DPP6: variants seen among roughly 807,000 people sequenced by gnomAD.
DPP6 encodes A-type potassium channel modulatory protein DPP6.
In DPP6, 69 loss-of-function variants were observed where a neutral mutation model predicts 122.6. The ratio of observed to expected loss-of-function variants is 0.56; its 90% CI spans 0.46 to 0.69. The LOEUF is 0.69. Ranked by LOEUF, DPP6 falls within the 30% of genes least tolerant of loss-of-function variation. The probability of loss-of-function intolerance (pLI) is 0.00; values close to 1 mark genes in which losing one functional copy is unlikely to be tolerated. For synonymous variants in DPP6, 418 were observed against 433.1 expected (o/e 0.97, Z 0.43); for missense variants, 928 against 1,116.9 (o/e 0.83, Z 2.41).
At chr7:154,442,499 G>A (rs985768629) in intron 1 of DPP6, among the ~76,000 whole-genome samples, 1 of 96,152 alleles carries the variant, frequency 1.0e-5, no homozygotes, top group South Asian at 2.4e-4. Context: ...GAAGATGAAG[G>A]GAAATTCCAG....
intron 10 of DPP6, among the ~76,000 whole-genome samples, chr7:154,786,090 A>T (rs141407565): frequency 1.6e-3 from 241 of 152,244 alleles, no homozygotes; most frequent in African/African-American, 5.1e-3. Context: ...ACTGTTTCCT[A>T]GATCTCATAG....
At chr7:153,979,223 G>T (rs1796456433) in intron 1 of DPP6, among the ~76,000 whole-genome samples, 1 of 152,104 alleles carries the variant, frequency 6.6e-6, no homozygotes, top group African/African-American at 2.4e-5. Context: ...ATTTCCTTGA[G>T]AAGTGGTTTG....
At chr7:154,091,994 G>A (rs1288540701) in intron 1 of DPP6, among the ~76,000 whole-genome samples, 1 of 152,046 alleles carries the variant, frequency 6.6e-6, no homozygotes, top group African/African-American at 2.4e-5. Context: ...CAATTTCCAG[G>A]ATGTTGCATT....
chr7:153,870,392 T>G, the DPP6 span, among the ~76,000 whole-genome samples: 4 of 152,336 alleles, frequency 2.6e-5, no homozygotes, highest in South Asian at 8.3e-4. Context: ...TCGCTTCATT[T>G]CATTCATTTT....
intron 1 of DPP6, among the ~76,000 whole-genome samples, chr7:154,014,149 A>C (rs1798287634): frequency 6.6e-6 from 1 of 150,838 alleles, no homozygotes; most frequent in Non-Finnish European, 1.5e-5. Context: ...AAAAGACCCT[A>C]ATGTAGCAGA....
chr7:154,133,707 C>T (rs559808724), intron 1 of DPP6, among the ~76,000 whole-genome samples: 1 of 151,880 alleles, frequency 6.6e-6, no homozygotes, highest in African/African-American at 2.4e-5. Flanking sequence ...GGCAGCAGTT[C>T]CCCACTGTAT....
intron 1 of DPP6, among the ~76,000 whole-genome samples, chr7:154,205,277 AG>A (rs935303754): frequency 9.2e-5 from 14 of 152,162 alleles, no homozygotes; most frequent in African/African-American, 2.9e-4. Context: ...ACATGGATGT[AG>A]TCATGATACA....
chr7:154,076,609 G>T (rs929910328), intron 1 of DPP6, among the ~76,000 whole-genome samples: 2 of 149,834 alleles, frequency 1.3e-5, no homozygotes, highest in African/African-American at 4.9e-5. Context: ...AGAAAATGGG[G>T]ACACACTCCA....
chr7:154,163,020 G>A (rs1797058399), intron 1 of DPP6, among the ~76,000 whole-genome samples: 2 of 152,006 alleles, frequency 1.3e-5, no homozygotes, highest in Non-Finnish European at 2.9e-5. Context: ...AATCTGCATT[G>A]CTAGCATTGA....
chr7:154,388,396 C>G (rs1814310251), intron 1 of DPP6, among the ~76,000 whole-genome samples: 1 of 152,166 alleles, frequency 6.6e-6, no homozygotes, highest in Admixed American at 6.5e-5. Context: ...ACTTTCAAAT[C>G]CAGTAGTTTC....
intron 1 of DPP6, among the ~76,000 whole-genome samples, chr7:154,019,949 G>A (rs2533823): frequency 0.087 from 13,166 of 151,526 alleles, 804 homozygotes; most frequent in African/African-American, 0.18. Flanking sequence ...TGTCTGCAGG[G>A]AACTCTTTTC....
In DPP6 at chr7:154,143,102, A is replaced by T. The variant is rs1053102837; in HGVS notation, c.243+90039A>T. ...TAGAGATCACTCCTAGTCTAATATC[A>T]GTAGGTTTTTAGGATTACAGGTTAT... On this transcript the variant is annotated intron_variant, in intron 1 of 25. Coordinates refer to ENST00000377770, the MANE Select transcript of DPP6 (RefSeq NM_130797.4). Among the ~76,000 whole-genome samples the T allele has an allele frequency of 8.0e-4, 119 of 148,560 alleles. 3 individuals carry two copies. The highest frequency in any genetic ancestry group is 7.9e-3 in the South Asian group (36 of 4,582).
chr7:154,127,210 T>G (rs1807954227), intron 1 of DPP6, among the ~76,000 whole-genome samples: 1 of 152,230 alleles, frequency 6.6e-6, no homozygotes, highest in East Asian at 1.9e-4. Context: ...TTTAAGCAAT[T>G]AAATTAATAT....
rs1291764526 is a variant in DPP6, at chr7:154,131,085, T to C, written c.243+78022T>C. On this transcript the variant is annotated intron_variant, in intron 1 of 25. Coordinates refer to ENST00000377770, the MANE Select transcript of DPP6 (RefSeq NM_130797.4). ...TTACTCTCTGGGTCTTAGCTTTAAG[T>C]TGGGGAGAGGGTGGGTTAGATCTCT... 2.6e-5 allele frequency among the ~76,000 whole-genome samples: 4 copies of C among 152,174 alleles called. No homozygotes were observed. The East Asian group carries it at 5.8e-4, about 22-fold the overall frequency.
chr7:154,865,653 G>C (rs967892383), intron 17 of DPP6, among the ~76,000 whole-genome samples: 14 of 152,026 alleles, frequency 9.2e-5, no homozygotes, highest in African/African-American at 3.4e-4. Context: ...GGGTCCTCGG[G>C]TCTGAGCTGT....
chr7:154,566,835 CT>C lies in DPP6; in HGVS notation c.553-3del. On this transcript the variant is annotated splice_region_variant and splice_polypyrimidine_tract_variant and intron_variant, in intron 4 of 25. Transcript: ENST00000377770. ...CTTTAAAATTCTTTGTCTATTTTTT[CT>C]TTTAGGAATCATTAAGAGCCATCAG... 1.3e-6 allele frequency: 2 copies of C among 1,516,752 alleles called. No individual in the cohort carries two copies. Among genetic ancestry groups the C allele is most frequent in the Non-Finnish European group, 9.1e-7 (1 of 1,103,130 alleles). The allele number at this position is 1,516,752 out of a possible 1,614,324, so 94.0% of individuals were successfully genotyped here. A position where few individuals can be genotyped will look rare whatever the true frequency, so the allele number is the denominator to read the frequency against.
At chr7:154,441,936 G>A (rs888205762) in intron 1 of DPP6, among the ~76,000 whole-genome samples, 1 of 152,192 alleles carries the variant, frequency 6.6e-6, no homozygotes, top group Admixed American at 6.5e-5. Flanking sequence ...TTCGTTGTTT[G>A]TTTTATTTTT....
rs142970954 is a variant in DPP6, at chr7:154,269,318, G to A, written c.244-176896G>A. On this transcript the variant is annotated intron_variant, in intron 1 of 25. Coordinates refer to ENST00000377770, the MANE Select transcript of DPP6 (RefSeq NM_130797.4). ...TAAGCTGTCTGATTCTAAAGCTAGT[G>A]ATTATTTTCCTATTATTTTGATGGT... Among the ~76,000 whole-genome samples the A allele has an allele frequency of 6.1e-3, 930 of 152,224 alleles. 12 individuals carry two copies. Among genetic ancestry groups the A allele is most frequent in the African/African-American group, 0.022 (907 of 41,526 alleles).
Position 153,888,352 on chromosome 7 carries a change from G to T in DPP6, c.51+618G>T, listed in dbSNP as rs558581692. Among the ~76,000 whole-genome samples, 7 of 152,340 alleles carry T rather than the reference G, an allele frequency of 4.6e-5. No individual in the cohort carries two copies. In the South Asian group the frequency reaches 1.2e-3, roughly 27 times the overall value. On this transcript the variant is annotated intron_variant, in intron 1 of 25. Coordinates refer to the DPP6 transcript ENST00000404039. The stretch of plus-strand genomic sequence containing the variant: ...GCACTTCGTCCCCCAGGAGGGCCGC[G>T]TGCCTGGAAACGCGGCTGGTCCGCG...
Sources: allele counts gnomAD v4.1 joint callset (sites outside exome capture counted in the v4.1 genomes callset), GRCh38; gene constraint gnomAD v4.1.1; transcripts MANE v1.5; gene names NCBI Gene and HGNC (gene_info 2026-07-23, HGNC 2026-07-21).